TBK1: variants seen among roughly 807,000 people sequenced by gnomAD.
TBK1 encodes the protein TANK binding kinase 1.
In TBK1, 37 loss-of-function variants were observed where a neutral mutation model predicts 99.9. The ratio of observed to expected loss-of-function variants is 0.37; its 90% confidence interval spans 0.28 to 0.49. The LOEUF is 0.49. TBK1 is among the 20% of genes least tolerant of loss of function. The pLI is 0.98. For synonymous variants in TBK1, 258 were observed against 279.8 expected (o/e 0.92, Z 0.78); for missense variants, 644 against 872.5 (o/e 0.74, Z 3.30).
In TBK1 at chr12:64,501,373, T is replaced by A; in HGVS notation, c.2182T>A (p.Cys728Ser). The A allele has an allele frequency of 6.2e-7, 1 of 1,613,894 alleles. No individual in the cohort carries two copies. The highest frequency in any genetic ancestry group is 8.5e-7 in the Non-Finnish European group (1 of 1,179,952). ...TMDGGLRNVDCL is the reference protein window; with the variant it reads ...TMDGGLRNVDSL ...GGATGGTGGCCTTCGCAACGTTGAC[T>A]GTCTTTAGCTTTCTAATAGAAGTTT... Residue 728 changes from cysteine (C) to serine (S), a missense_variant, in exon 21 of 21, where the codon TGT becomes AGT. Around this residue, in one of 3 missense-constraint regions of TBK1, gnomAD observed 465 missense variants for 588.0 expected, o/e 0.79. Coordinates refer to ENST00000331710, the MANE Select transcript of TBK1 (RefSeq NM_013254.4).
chr12:64,495,237 G>T (rs2040913319), intron 13 of TBK1: 1 of 323,330 alleles, frequency 3.1e-6, no homozygotes, highest in East Asian at 6.0e-5. Flanking sequence ...TTTTAGAAGG[G>T]TGTTTACTGA....
At position 64,485,965 on chromosome 12, in the gene TBK1, A is replaced by G. The variant is rs2040816703; in HGVS notation, c.1288A>G (p.Ser430Gly). The G allele has an allele frequency of 3.1e-6, 5 of 1,595,018 alleles. No individual in the cohort carries two copies. In the South Asian group the frequency reaches 4.5e-5, roughly 14 times the overall value. ...TGTGTGTTATGCCTGCAGAATTGCC[A>G]GTACCTTACTGCTTTATCAGGAATT... ...GVVCYACRIA[S>G]TLLLYQELMR... is the part of the protein sequence containing the mutation. The change falls in exon 11 of 21, where the codon AGT (serine) becomes GGT (glycine). Residue 430 changes from serine to glycine, a missense_variant. Physicochemically the swap from Ser to Gly is moderately conservative, Grantham distance 56 (BLOSUM62 0). Coordinates refer to ENST00000331710, the MANE Select transcript of TBK1 (RefSeq NM_013254.4).
chr12:64,465,896 A>C (rs2040598738), intron 4 of TBK1, among the ~76,000 whole-genome samples: 1 of 152,228 alleles, frequency 6.6e-6, no homozygotes, highest in African/African-American at 2.4e-5. Flanking sequence ...CACTTTAAAA[A>C]GATGAATGTT....
intron 6 of TBK1, among the ~76,000 whole-genome samples, chr12:64,479,762 T>A (rs1279163595): frequency 6.6e-6 from 1 of 152,166 alleles, no homozygotes; most frequent in African/African-American, 2.4e-5. Context: ...CAAGATGCTG[T>A]TATAAAGCAC....
Position 64,485,847 on chromosome 12 carries a change from T to C in TBK1, c.1249-79T>C. The C allele has an allele frequency of 3.0e-6, 3 of 1,013,672 alleles. No homozygotes were observed. The South Asian group carries it at 6.2e-5, about 21-fold the overall frequency. The allele number at this position is 1,013,672 out of a possible 1,614,324, so 62.8% of individuals were successfully genotyped here. On this transcript the variant is annotated intron_variant, in intron 10 of 20. Transcript: ENST00000331710. Reference sequence around the variant, plus strand: ...ATTAACCTGATAAAAATGTGTAAGCTTGAATAATTTTGTGTAAAAGTTTTT... The same window carrying C: ...ATTAACCTGATAAAAATGTGTAAGCCTGAATAATTTTGTGTAAAAGTTTTT...
At chr12:64,497,802 T>A (rs1251633661) in intron 19 of TBK1, 48 bp downstream of exon 19, 4 of 1,488,944 alleles carry the variant, frequency 2.7e-6, no homozygotes, top group Non-Finnish European at 3.7e-6. Flanking sequence ...TTTGCTTTCA[T>A]TGCAGTTTGT....
Position 64,501,794 on chromosome 12 carries a change from G to A in TBK1, c.*413G>A, listed in dbSNP as rs530047586. On this transcript the variant is annotated 3_prime_UTR_variant, in exon 21 of 21. Transcript: ENST00000331710. ...ACACGTTTGTAAATGGTAGAACGGTGGCTACTGTGAGTGGGGAGCAGAACC... is the reference window on the plus strand; with the variant it reads ...ACACGTTTGTAAATGGTAGAACGGTAGCTACTGTGAGTGGGGAGCAGAACC... 2 of 162,380 alleles carry A rather than the reference G, an allele frequency of 1.2e-5. No homozygotes were observed. Among genetic ancestry groups the A allele is most frequent in the Non-Finnish European group, 2.7e-5 (2 of 74,718 alleles). The allele number at this position is 162,380 out of a possible 1,614,324, so 10.1% of individuals were successfully genotyped here. A position where few individuals can be genotyped will look rare whatever the true frequency, so the allele number is the denominator to read the frequency against.
intron 6 of TBK1, among the ~76,000 whole-genome samples, chr12:64,477,558 T>C (rs900584801): frequency 6.6e-6 from 1 of 152,196 alleles, no homozygotes; most frequent in African/African-American, 2.4e-5. Context: ...TTTGGCAAAA[T>C]CTTTAGGGTT....
chr12:64,486,961 T>C (rs1488003254), intron 11 of TBK1, among the ~76,000 whole-genome samples: 2 of 152,174 alleles, frequency 1.3e-5, no homozygotes, highest in African/African-American at 4.8e-5. Context: ...TAAATGAAAT[T>C]ATACAATATG....
chr12:64,466,424 A>G (rs2040605269), intron 4 of TBK1, among the ~76,000 whole-genome samples: 1 of 152,136 alleles, frequency 6.6e-6, no homozygotes, highest in Non-Finnish European at 1.5e-5. Context: ...AACAAGTTTG[A>G]CACTTTGCTG....
rs1299619788 is a variant in TBK1, at chr12:64,455,857, C to T, written c.-14C>T. ...TCTCTTAGTATAACAAGAGGATTGC[C>T]TGATCCAGCCAAGATGCAGAGCACT... On this transcript the variant is annotated 5_prime_UTR_variant, in exon 2 of 21. Transcript: ENST00000331710. 2.5e-6 allele frequency: 4 copies of T among 1,600,202 alleles called. No individual in the cohort carries two copies. The highest frequency in any genetic ancestry group is 3.4e-6 in the Non-Finnish European group (4 of 1,175,972).
Position 64,467,004 on chromosome 12 carries a change from A to C in TBK1, c.462A>C (p.Lys154Asn). The C allele has an allele frequency of 1.2e-6, 2 of 1,612,280 alleles. No individual in the cohort carries two copies. Among genetic ancestry groups the C allele is most frequent in the Non-Finnish European group, 1.7e-6 (2 of 1,179,096 alleles). The change falls in exon 5 of 21, where the codon AAA becomes AAC. Residue 154 changes from lysine to asparagine, a missense_variant. By Grantham distance (94) the Lys-to-Asn change is moderately conservative. Transcript: ENST00000331710. ...VIGEDGQSVY[K>N]LTDFGAAREL... ...GGGAAGATGGACAGTCTGTGTACAAACTCACAGATTTTGGTGCAGCTAGAG... is the reference window on the plus strand; with the variant it reads ...GGGAAGATGGACAGTCTGTGTACAACCTCACAGATTTTGGTGCAGCTAGAG...
chr12:64,497,126 C>A, intron 17 of TBK1, 37 bp from the exon 18 acceptor site: 1 of 1,581,194 alleles, frequency 6.3e-7, no homozygotes. Context: ...GAATGCTTCA[C>A]TAGACTGCAT....
intron 6 of TBK1, among the ~76,000 whole-genome samples, chr12:64,479,295 C>T (rs2040744174): frequency 6.6e-6 from 1 of 152,178 alleles, no homozygotes; most frequent in Non-Finnish European, 1.5e-5. Flanking sequence ...CACACATGTG[C>T]ACTTACTTCT....
chr12:64,499,460 C>T (rs777408644), intron 20 of TBK1, among the ~76,000 whole-genome samples: 17 of 151,934 alleles, frequency 1.1e-4, no homozygotes, highest in Non-Finnish European at 2.4e-4. Context: ...TAGTAAAAAC[C>T]GAGATCTTAT....
Position 64,481,964 on chromosome 12 carries a change from A to G in TBK1, c.935A>G (p.His312Arg), listed in dbSNP as rs1318065280. ...GATATACTTCACCGAATGGTAATTC[A>G]TGTTTTTTCGCTACAACAAATGACA... ...TSDILHRMVI[H>R]VFSLQQMTAH... Residue 312 changes from histidine (H) to arginine (R), a missense_variant, in exon 8 of 21, where the codon CAT (histidine) becomes CGT (arginine). Coordinates refer to ENST00000331710, the MANE Select transcript of TBK1 (RefSeq NM_013254.4). 8 of 1,608,576 alleles carry G rather than the reference A, an allele frequency of 5.0e-6. No individual in the cohort carries two copies. The highest frequency in any genetic ancestry group is 1.1e-5 in the South Asian group (1 of 90,434).
In TBK1 at chr12:64,476,150, CTTTTTTTTTT is replaced by C. The variant is rs59104364; in HGVS notation, c.701+1776_701+1785del. ...GTTTGTTGGCAGCTTGCGTAGTCTTCTTTTTTTTTTTTTTTTTTTTTTTTTGAGATGGAGT... is the reference window on the plus strand; with the variant it reads ...GTTTGTTGGCAGCTTGCGTAGTCTTCTTTTTTTTTTTTTTTGAGATGGAGT... On this transcript the variant is annotated intron_variant, in intron 6 of 20. Transcript: ENST00000331710. Among the ~76,000 whole-genome samples, 3 of 51,820 alleles carry C rather than the reference CTTTTTTTTTT, an allele frequency of 5.8e-5. No individual in the cohort carries two copies. The East Asian group carries it at 1.9e-3, about 33-fold the overall frequency. 34.0% of individuals were successfully genotyped at this position (51,820 alleles called of 152,430 possible). A position where few individuals can be genotyped will look rare whatever the true frequency, so the allele number is the denominator to read the frequency against.
chr12:64,479,480 C>A (rs1339410124), intron 6 of TBK1, among the ~76,000 whole-genome samples: 1 of 152,178 alleles, frequency 6.6e-6, no homozygotes, highest in Non-Finnish European at 1.5e-5. Context: ...AGCACATTTA[C>A]TTTAATGTTA....
At chr12:64,472,807 C>CA (rs2040675407) in intron 5 of TBK1, among the ~76,000 whole-genome samples, 1 of 152,094 alleles carries the variant, frequency 6.6e-6, no homozygotes, top group Admixed American at 6.5e-5. Flanking sequence ...CAAAAAACCT[C>CA]AATGTTTTAA....
Sources: allele counts gnomAD v4.1 joint callset (sites outside exome capture counted in the v4.1 genomes callset), GRCh38; gene constraint gnomAD v4.1.1; regional missense constraint gnomAD v4.1.1; transcripts MANE v1.5; gene names NCBI Gene and HGNC (gene_info 2026-07-23, HGNC 2026-07-21).